The following IFI16 variants were observed in gnomAD, a reference collection of about 807,000 sequenced individuals.
IFI16 encodes the protein gamma-interferon-inducible protein 16.
Under a neutral mutation model 68.4 loss-of-function variants are expected in IFI16, and 49 were observed. The ratio of observed to expected loss-of-function variants is 0.72; its 90% CI spans 0.57 to 0.91. The LOEUF (loss-of-function observed/expected upper bound fraction) is 0.91. Among genes scored for constraint, IFI16 ranks in the 40% least tolerant of loss-of-function variants. The pLI is 0.00. For synonymous variants in IFI16, 307 were observed against 315.0 expected (o/e 0.97, Z 0.27); for missense variants, 878 against 942.9 (o/e 0.93, Z 0.90).
At chr1:159,031,425 A>G (rs1364334006) in intron 6 of IFI16, among the ~76,000 whole-genome samples, 1 of 152,178 alleles carries the variant, frequency 6.6e-6, no homozygotes, top group African/African-American at 2.4e-5. Context: ...TATTTCCCCA[A>G]TTCTACTGGC....
At chr1:159,001,963 C>G (rs1304282480), upstream of IFI16, among the ~76,000 whole-genome samples, 1 of 152,178 alleles carries the variant, frequency 6.6e-6, no homozygotes, top group Non-Finnish European at 1.5e-5. Flanking sequence ...ATAGCTGACA[C>G]TGGGTAGCAA....
At chr1:159,044,443 T>C (rs1654857712) in intron 7 of IFI16, among the ~76,000 whole-genome samples, 1 of 152,186 alleles carries the variant, frequency 6.6e-6, no homozygotes, top group African/African-American at 2.4e-5. Context: ...GGTCAGAGAC[T>C]GTTCTAATCA....
At chr1:159,007,281 G>A (rs1269958825), upstream of IFI16, among the ~76,000 whole-genome samples, 2 of 152,206 alleles carry the variant, frequency 1.3e-5, no homozygotes, top group Admixed American at 6.5e-5. Context: ...TCCAGCCCCA[G>A]CAGGAAGCAT....
At chr1:159,052,230 G>A (rs1202352595) in intron 10 of IFI16, 132 bp downstream of exon 10, 8 of 648,720 alleles carry the variant, frequency 1.2e-5, no homozygotes, top group Non-Finnish European at 1.6e-5. Flanking sequence ...CCCAGCACTA[G>A]AGATAATTGA....
chr1:159,012,777 C>T (rs746334088), intron 1 of IFI16, among the ~76,000 whole-genome samples: 6 of 152,072 alleles, frequency 3.9e-5, no homozygotes, highest in East Asian at 1.9e-4. Flanking sequence ...ATGTCTGGGG[C>T]GGCAAAGGAA....
intron 7 of IFI16, among the ~76,000 whole-genome samples, chr1:159,044,531 T>A (rs1250818768): frequency 6.6e-6 from 1 of 152,054 alleles, no homozygotes; most frequent in African/African-American, 2.4e-5. Flanking sequence ...ACTTAAAAAA[T>A]TAGGTTACTG....
At chr1:159,005,407 T>G (rs1652215941), upstream of IFI16, among the ~76,000 whole-genome samples, 1 of 152,182 alleles carries the variant, frequency 6.6e-6, no homozygotes, top group Admixed American at 6.5e-5. Context: ...TCTGGCCTTG[T>G]ACAGTATATC....
At chr1:159,025,118 G>A (rs1653574493) in intron 6 of IFI16, among the ~76,000 whole-genome samples, 1 of 152,176 alleles carries the variant, frequency 6.6e-6, no homozygotes, top group African/African-American at 2.4e-5. Flanking sequence ...AAAAGAAAGT[G>A]GAAAATAAGC....
chr1:159,050,254 A>C (rs1441508373), intron 9 of IFI16, among the ~76,000 whole-genome samples: 4 of 152,140 alleles, frequency 2.6e-5, no homozygotes, highest in Non-Finnish European at 5.9e-5. Flanking sequence ...CATACATTAT[A>C]AAAATGATCA....
At chr1:159,001,073 A>G (rs985070634), upstream of IFI16, among the ~76,000 whole-genome samples, 1 of 152,258 alleles carries the variant, frequency 6.6e-6, no homozygotes, top group African/African-American at 2.4e-5. Context: ...ATAAAAAAGA[A>G]AAATTAAACA....
intron 6 of IFI16, among the ~76,000 whole-genome samples, chr1:159,022,052 C>G (rs1343903417): frequency 1.4e-5 from 2 of 143,562 alleles, no homozygotes; most frequent in Non-Finnish European, 3.0e-5. Flanking sequence ...CAAGCTCCGC[C>G]TCCCGGGTTC....
chr1:159,018,437 T>A lies in IFI16; in HGVS notation c.758T>A (p.Phe253Tyr), dbSNP rs1653081910. The A allele has an allele frequency of 2.5e-6, 4 of 1,613,628 alleles. No individual in the cohort carries two copies. The highest frequency in any genetic ancestry group is 1.7e-5 in the Admixed American group (1 of 60,010). The change falls in exon 5 of 12, where the codon TTC (phenylalanine) becomes TAC (tyrosine). Residue 253 changes from phenylalanine (F) to tyrosine (Y), a missense_variant. By Grantham distance (22) the Phe-to-Tyr change is conservative. Transcript: ENST00000295809. ...KVLNTSLKEKFNGKKIIIISD... is the reference protein window; with the variant it reads ...KVLNTSLKEKYNGKKIIIISD... ...TTAAACACCAGCTTGAAGGAGAAAT[T>A]CAATGGAAAGAAAATCATCATCATA...
rs779303879 is a variant in IFI16 at position 159,049,464 on chromosome 1, C to T, written c.1530C>T (p.Asp510=). 5.9e-6 allele frequency: 9 copies of T among 1,517,300 alleles called. No homozygotes were observed. The African/African-American group carries it at 9.9e-5, about 17-fold the overall frequency. 94.0% of individuals were successfully genotyped at this position (1,517,300 alleles called of 1,614,324 possible). A position where few individuals can be genotyped will look rare whatever the true frequency, so the allele number is the denominator to read the frequency against. Residue 510 remains aspartate, a synonymous_variant, in exon 9 of 12, where the codon GAC becomes GAT. Coordinates refer to ENST00000295809, the MANE Select transcript of IFI16 (RefSeq NM_001376587.1). ...AAGACACAATCTCCAAAATGAATGA[C>T]TTCATGAGGATGCAGATACTGAAGG... The part of the protein sequence containing the change: ...KSEDTISKMN[D]FMRMQILKEG...
upstream of IFI16, among the ~76,000 whole-genome samples, chr1:159,002,152 A>G (rs1201400907): frequency 6.6e-6 from 1 of 152,204 alleles, no homozygotes; most frequent in Admixed American, 6.5e-5. Context: ...CTCAATTGTT[A>G]CATTTTAAAT....
intron 1 of IFI16, among the ~76,000 whole-genome samples, chr1:159,012,511 A>G (rs1416524011): frequency 6.6e-6 from 1 of 152,238 alleles, no homozygotes; most frequent in Non-Finnish European, 1.5e-5. Context: ...GCCTACTGTC[A>G]TCCCAAATCT....
intron 7 of IFI16, among the ~76,000 whole-genome samples, chr1:159,043,801 A>T (rs1654812031): frequency 6.6e-6 from 1 of 152,388 alleles, no homozygotes; most frequent in South Asian, 2.1e-4. Context: ...TCAAACAAAG[A>T]TTATAATTTC....
At chr1:159,026,391 C>T (rs1101992) in intron 6 of IFI16, among the ~76,000 whole-genome samples, 29,247 of 151,514 alleles carry the variant, frequency 0.19, 3,705 homozygotes, top group Non-Finnish European at 0.28. Flanking sequence ...CTCTGTCTCC[C>T]GGGTTCAAGC....
At chr1:159,022,895 ATTC>A (rs1237919954) in intron 6 of IFI16, among the ~76,000 whole-genome samples, 2 of 152,168 alleles carry the variant, frequency 1.3e-5, no homozygotes, top group South Asian at 2.1e-4. Context: ...TCATTTCATA[ATTC>A]TTCTTTAAAC....
intron 6 of IFI16, among the ~76,000 whole-genome samples, chr1:159,029,200 ACTCT>A (rs1171346354): frequency 5.3e-5 from 8 of 152,110 alleles, no homozygotes; most frequent in African/African-American, 1.7e-4. Flanking sequence ...GTAGTGGCTA[ACTCT>A]CTCAGCATTT....
Sources: allele counts gnomAD v4.1 joint callset (sites outside exome capture counted in the v4.1 genomes callset), GRCh38; gene constraint gnomAD v4.1.1; transcripts MANE v1.5; gene names NCBI Gene and HGNC (gene_info 2026-07-23, HGNC 2026-07-21).